The following SEZ6L variants were observed in gnomAD, a reference collection of about 807,000 sequenced individuals.
SEZ6L encodes seizure 6-like protein.
SEZ6L carries 37 observed loss-of-function variants against 106.2 expected under a neutral mutation model. The observed-to-expected ratio is 0.35, with a 90% CI of 0.27 to 0.46. The LOEUF is 0.46. Ranked by LOEUF, SEZ6L falls within the 20% of genes least tolerant of loss-of-function variation. The pLI is 1.00. For missense variants in SEZ6L, 1,172 were observed against 1,332.8 expected (o/e 0.88, Z 1.88); for synonymous variants, 541 against 570.4 (o/e 0.95, Z 0.73).
intron 2 of SEZ6L, among the ~76,000 whole-genome samples, chr22:26,294,051 G>A (rs1601410218): frequency 1.3e-5 from 2 of 152,114 alleles, no homozygotes; most frequent in South Asian, 4.1e-4. Flanking sequence ...GAGAATAAGT[G>A]GGGTCACCCC....
At chr22:26,275,389 A>C (rs2145847210) in intron 1 of SEZ6L, among the ~76,000 whole-genome samples, 1 of 152,332 alleles carries the variant, frequency 6.6e-6, no homozygotes, top group East Asian at 1.9e-4. Context: ...GATGTTCAGT[A>C]GGTTAGGTGT....
intron 1 of SEZ6L, among the ~76,000 whole-genome samples, chr22:26,277,440 G>T (rs1333102940): frequency 2.0e-5 from 3 of 152,190 alleles, no homozygotes; most frequent in African/African-American, 7.2e-5. Context: ...TACGACCGTG[G>T]CATATGCCAG....
intron 1 of SEZ6L, among the ~76,000 whole-genome samples, chr22:26,233,546 G>A (rs2078865947): frequency 6.6e-6 from 1 of 152,232 alleles, no homozygotes; most frequent in Admixed American, 6.5e-5. Flanking sequence ...GGAAGCTGAG[G>A]CTCGAAGTCG....
chr22:26,292,277 G>T, intron 1 of SEZ6L, 129 bp from the exon 2 acceptor site: 1 of 630,954 alleles, frequency 1.6e-6, no homozygotes. Context: ...GGAGAAAGGA[G>T]AAGTTGGTTT....
intron 10 of SEZ6L, among the ~76,000 whole-genome samples, chr22:26,344,480 G>C (rs2082944053): frequency 6.6e-6 from 1 of 152,214 alleles, no homozygotes; most frequent in Admixed American, 6.5e-5. Flanking sequence ...TGGCTCCCTG[G>C]AGTGCTGTTT....
At chr22:26,320,467 A>G (rs986883902) in intron 9 of SEZ6L, among the ~76,000 whole-genome samples, 14 of 152,254 alleles carry the variant, frequency 9.2e-5, no homozygotes, top group African/African-American at 2.9e-4. Flanking sequence ...ATCAAAATCA[A>G]TTCAGTCCCA....
chr22:26,219,514 C>T (rs2078399660), intron 1 of SEZ6L, among the ~76,000 whole-genome samples: 1 of 152,030 alleles, frequency 6.6e-6, no homozygotes, highest in Non-Finnish European at 1.5e-5. Context: ...ACTTCAAGAA[C>T]CTATTTGATG....
At chr22:26,358,813 T>G (rs980110136) in intron 12 of SEZ6L, among the ~76,000 whole-genome samples, 2 of 152,056 alleles carry the variant, frequency 1.3e-5, no homozygotes, top group Admixed American at 1.3e-4. Context: ...TTGTCACAAC[T>G]TGTCAGGGAA....
At chr22:26,282,180 CTA>C (rs2080793625) in intron 1 of SEZ6L, among the ~76,000 whole-genome samples, 1 of 152,196 alleles carries the variant, frequency 6.6e-6, no homozygotes, top group Non-Finnish European at 1.5e-5. Flanking sequence ...GTGTTACACT[CTA>C]TGTTATTCAC....
intron 1 of SEZ6L, among the ~76,000 whole-genome samples, chr22:26,216,225 G>A (rs2078295537): frequency 6.6e-6 from 1 of 152,180 alleles, no homozygotes; most frequent in South Asian, 2.1e-4. Context: ...GTTAGTGGAG[G>A]AGCTGGAAAT....
chr22:26,250,904 A>G (rs2079555391), intron 1 of SEZ6L, among the ~76,000 whole-genome samples: 1 of 151,978 alleles, frequency 6.6e-6, no homozygotes, highest in Non-Finnish European at 1.5e-5. Flanking sequence ...TAAGCATTTT[A>G]TATATTTTTG....
chr22:26,286,650 A>G (rs2145870393), intron 1 of SEZ6L, among the ~76,000 whole-genome samples: 1 of 151,084 alleles, frequency 6.6e-6, no homozygotes, highest in South Asian at 2.1e-4. Flanking sequence ...CTGCATGATG[A>G]TATGTTACGC....
intron 9 of SEZ6L, among the ~76,000 whole-genome samples, chr22:26,328,533 G>C (rs2082388438): frequency 6.6e-6 from 1 of 152,142 alleles, no homozygotes; most frequent in South Asian, 2.1e-4. Context: ...CGTCTTTGTA[G>C]GCAAAGCAGC....
chr22:26,174,556 G>A (rs1938850267), intron 1 of SEZ6L, among the ~76,000 whole-genome samples: 1 of 152,188 alleles, frequency 6.6e-6, no homozygotes, highest in Non-Finnish European at 1.5e-5. Flanking sequence ...TGATGACACC[G>A]AAGGAATCTT....
At chr22:26,335,697 T>C (rs145564681) in intron 9 of SEZ6L, among the ~76,000 whole-genome samples, 85 of 152,282 alleles carry the variant, frequency 5.6e-4, no homozygotes, top group Non-Finnish European at 1.1e-3. Flanking sequence ...ATAGATCATA[T>C]CCCTACTGTC....
In SEZ6L at chr22:26,294,416, G is replaced by A; in HGVS notation, c.960G>A (p.Val320=). 1.9e-6 allele frequency: 3 copies of A among 1,613,940 alleles called. No homozygotes were observed. The South Asian group carries it at 3.3e-5, about 18-fold the overall frequency. ...YNVTVYTGYG[V]ELQVKSVNLS... is the part of the protein sequence containing the mutation. ...TGACAGTCTACACTGGCTATGGGGT[G>A]GAGCTCCAGGTAACCCCAGGAGAGT... is the stretch of plus-strand genomic sequence containing the variant. Residue 320 remains valine, a synonymous_variant, in exon 3 of 17, where the codon GTG becomes GTA. Coordinates refer to ENST00000248933, the MANE Select transcript of SEZ6L (RefSeq NM_021115.5).
intron 1 of SEZ6L, among the ~76,000 whole-genome samples, chr22:26,202,540 T>C (rs1490408219): frequency 1.3e-5 from 2 of 152,194 alleles, no homozygotes. Context: ...AACTCTCCCT[T>C]GAGGACACTG....
intron 10 of SEZ6L, among the ~76,000 whole-genome samples, chr22:26,345,657 A>G (rs1277690814): frequency 6.6e-6 from 1 of 152,146 alleles, no homozygotes; most frequent in Non-Finnish European, 1.5e-5. Context: ...CCTTTCCCCA[A>G]ATAAAATCAT....
rs567044681 is a variant in SEZ6L, at chr22:26,275,891, A to G, written c.95-16515A>G. Among the ~76,000 whole-genome samples, 24 of 152,210 alleles carry G rather than the reference A, an allele frequency of 1.6e-4. No individual in the cohort carries two copies. In the South Asian group the frequency reaches 5.0e-3, roughly 32 times the overall value. ...CAGATCCCCTGCTGATTTGTTTGTA[A>G]TAGGTGGTGCTCACTCTGGACACAG... On this transcript the variant is annotated intron_variant, in intron 1 of 16. Coordinates refer to ENST00000248933, the MANE Select transcript of SEZ6L (RefSeq NM_021115.5).
Sources: gnomAD v4.1 joint callset for allele counts (sites outside exome capture counted in the v4.1 genomes callset) on GRCh38, gnomAD v4.1.1 for gene constraint, MANE v1.5 for transcripts, NCBI Gene and HGNC (gene_info 2026-07-23, HGNC 2026-07-21) for gene names.